The following EXOC4 variants were observed in gnomAD, a reference collection of about 807,000 sequenced individuals.
EXOC4 encodes SEC8-like 1.
EXOC4 carries 71 observed loss-of-function variants against 107.2 expected under a neutral mutation model. The ratio of observed to expected loss-of-function variants is 0.66; its 90% CI spans 0.55 to 0.81. The LOEUF is 0.81. Among genes scored for constraint, EXOC4 ranks in the 30% least tolerant of loss-of-function variants. EXOC4 has a pLI of 0.00. For synonymous variants in EXOC4, 456 were observed against 441.2 expected (o/e 1.03, Z -0.42); for missense variants, 1,108 against 1,189.6 (o/e 0.93, Z 1.01).
intron 17 of EXOC4, among the ~76,000 whole-genome samples, chr7:134,055,857 C>A (rs1795908594): frequency 6.6e-6 from 1 of 152,168 alleles, no homozygotes; most frequent in Non-Finnish European, 1.5e-5. Context: ...AATAAAGCTT[C>A]TTGAAGCCAA....
intron 7 of EXOC4, among the ~76,000 whole-genome samples, chr7:133,414,912 A>G (rs954085958): frequency 6.6e-6 from 1 of 152,118 alleles, no homozygotes; most frequent in African/African-American, 2.4e-5. Flanking sequence ...TCTCTTAGCC[A>G]TCAGCCCCCT....
intron 9 of EXOC4, among the ~76,000 whole-genome samples, chr7:133,616,293 C>T (rs1253133761): frequency 6.6e-6 from 1 of 151,950 alleles, no homozygotes; most frequent in East Asian, 1.9e-4. Flanking sequence ...CCTTTTTATA[C>T]ATCATAATGT....
At chr7:133,619,658 A>G (rs530731407) in intron 9 of EXOC4, among the ~76,000 whole-genome samples, 3 of 152,340 alleles carry the variant, frequency 2.0e-5, no homozygotes, top group Admixed American at 6.5e-5. Context: ...TTGCTGTTAC[A>G]GGAATTACAG....
At chr7:133,494,028 A>G (rs993822995) in intron 9 of EXOC4, among the ~76,000 whole-genome samples, 3 of 152,240 alleles carry the variant, frequency 2.0e-5, no homozygotes, top group African/African-American at 7.2e-5. Context: ...TTATGAATTA[A>G]TGGCAGCTGA....
intron 9 of EXOC4, among the ~76,000 whole-genome samples, chr7:133,579,835 C>T (rs554059930): frequency 7.2e-5 from 11 of 152,148 alleles, no homozygotes; most frequent in South Asian, 6.2e-4. Context: ...TACAGGCACG[C>T]GCCACCACGC....
At chr7:133,783,558 C>T (rs1796509526) in intron 10 of EXOC4, among the ~76,000 whole-genome samples, 1 of 152,208 alleles carries the variant, frequency 6.6e-6, no homozygotes, top group African/African-American at 2.4e-5. Flanking sequence ...CAGAATTACT[C>T]ATCCATCTAT....
At chr7:133,280,178 G>A (rs1418237374) in intron 2 of EXOC4, among the ~76,000 whole-genome samples, 1 of 152,170 alleles carries the variant, frequency 6.6e-6, no homozygotes, top group African/African-American at 2.4e-5. Context: ...CATAGGCTCA[G>A]CCTTGATACC....
intron 7 of EXOC4, among the ~76,000 whole-genome samples, chr7:133,397,783 A>G (rs939662456): frequency 1.3e-5 from 2 of 152,164 alleles, no homozygotes; most frequent in Admixed American, 6.6e-5. Flanking sequence ...TAACAAAATT[A>G]AAAAATTACA....
chr7:133,873,119 G>A (rs928038209), intron 11 of EXOC4, among the ~76,000 whole-genome samples: 1 of 152,146 alleles, frequency 6.6e-6, no homozygotes, highest in African/African-American at 2.4e-5. Context: ...GATCAGCCTG[G>A]GCAACATAGT....
Position 133,694,884 on chromosome 7 carries a change from G to T in EXOC4, c.1514+64743G>T, listed in dbSNP as rs1034308735. On this transcript the variant is annotated intron_variant, in intron 10 of 17. Coordinates refer to ENST00000253861, the MANE Select transcript of EXOC4 (RefSeq NM_021807.4). ...CACTACCTTTTCTTTGTGCAATGGC[G>T]CAATCTCAGCTCACCGCAACCTCTG... Among the ~76,000 whole-genome samples, 3 of 151,966 alleles carry T rather than the reference G, an allele frequency of 2.0e-5. No homozygotes were observed. The South Asian group carries it at 6.2e-4, about 32-fold the overall frequency.
chr7:133,937,662 G>T (rs1477738709), intron 13 of EXOC4, among the ~76,000 whole-genome samples: 4 of 152,152 alleles, frequency 2.6e-5, no homozygotes, highest in African/African-American at 9.7e-5. Context: ...CCTGTTGAAG[G>T]CACAATCATT....
intron 10 of EXOC4, among the ~76,000 whole-genome samples, chr7:133,760,448 A>G (rs1350128221): frequency 6.6e-6 from 1 of 152,180 alleles, no homozygotes; most frequent in Non-Finnish European, 1.5e-5. Context: ...AAAGTGGGCT[A>G]TAAAATCACT....
chr7:134,067,632 T>TACACAC (rs1177750777), downstream of EXOC4, among the ~76,000 whole-genome samples: 5,010 of 98,228 alleles, frequency 0.051, 117 homozygotes, highest in Middle Eastern at 0.12. Flanking sequence ...CTCTTATATA[T>TACACAC]ATATATACAC....
In EXOC4 at chr7:134,064,405, C is replaced by A; in HGVS notation, c.2802C>A (p.Arg934=). ...EYIHALTLLH[R]SQTGVGELTT... ...TCCACGCTCTGACCCTGCTGCACCGCAGCCAGACTGGGGTGGGGGAACTGA... is the reference window on the plus strand; with the variant it reads ...TCCACGCTCTGACCCTGCTGCACCGAAGCCAGACTGGGGTGGGGGAACTGA... Residue 934 remains arginine (R), a synonymous_variant, in exon 18 of 18, where the codon CGC becomes CGA. Transcript: ENST00000253861. 1 of 1,607,320 alleles carries A rather than the reference C, an allele frequency of 6.2e-7. No individual in the cohort carries two copies. The highest frequency in any genetic ancestry group is 8.5e-7 in the Non-Finnish European group (1 of 1,176,370).
chr7:133,855,090 T>TAAATATATATATAA (rs1376042104), intron 11 of EXOC4, among the ~76,000 whole-genome samples: 2 of 84,642 alleles, frequency 2.4e-5, no homozygotes, highest in African/African-American at 1.5e-4. Context: ...TAAATATATA[T>TAAATATATATATAA]AAATATATAT....
At chr7:133,409,679 C>G (rs1310044619) in intron 7 of EXOC4, among the ~76,000 whole-genome samples, 1 of 152,138 alleles carries the variant, frequency 6.6e-6, no homozygotes, top group East Asian at 1.9e-4. Flanking sequence ...AGGCTGTGGT[C>G]ATTATTAATT....
intron 10 of EXOC4, among the ~76,000 whole-genome samples, chr7:133,689,799 G>T (rs779745797): frequency 6.6e-6 from 1 of 152,192 alleles, no homozygotes; most frequent in Non-Finnish European, 1.5e-5. Flanking sequence ...TTGGTCAGGG[G>T]AAAGAATTGT....
intron 2 of EXOC4, among the ~76,000 whole-genome samples, chr7:133,277,738 C>G (rs1410168395): frequency 6.6e-6 from 1 of 152,010 alleles, no homozygotes; most frequent in African/African-American, 2.4e-5. Flanking sequence ...TTCAAAAGAG[C>G]CTTTAATAAT....
intron 10 of EXOC4, among the ~76,000 whole-genome samples, chr7:133,686,846 C>G (rs959710218): frequency 1.3e-5 from 2 of 152,128 alleles, no homozygotes; most frequent in Non-Finnish European, 2.9e-5. Flanking sequence ...ATCCAGCAAT[C>G]CCACTACTGG....
Sources: gnomAD v4.1 joint callset for allele counts (sites outside exome capture counted in the v4.1 genomes callset) on GRCh38, gnomAD v4.1.1 for gene constraint, MANE v1.5 for transcripts, NCBI Gene and HGNC (gene_info 2026-07-23, HGNC 2026-07-21) for gene names.